Variants in ATG13 observed in about 807,000 individuals in gnomAD.
ATG13 encodes the protein autophagy related 13.
A neutral mutation model predicts 65.5 loss-of-function variants in ATG13; 23 were observed. The observed-to-expected ratio is 0.35, with a 90% confidence interval of 0.25 to 0.50. The LOEUF (loss-of-function observed/expected upper bound fraction) is 0.50, where lower values mean the gene tolerates loss of function less well. Among genes scored for constraint, ATG13 ranks in the 20% least tolerant of loss-of-function variants. ATG13 has a pLI of 0.98. For missense variants in ATG13, 566 were observed against 677.0 expected (o/e 0.84, Z 1.82); for synonymous variants, 252 against 245.2 (o/e 1.03, Z -0.26).
chr11:46,657,254 A>G, intron 9 of ATG13, 63 bp downstream of exon 9: 1 of 1,428,992 alleles, frequency 7.0e-7, no homozygotes, highest in Admixed American at 1.7e-5. Context: ...TTTTTCTCCT[A>G]AACTTTAAGA....
chr11:46,663,265 CAAAAA>C (rs11422914), intron 11 of ATG13, among the ~76,000 whole-genome samples: 1 of 78,390 alleles, frequency 1.3e-5, no homozygotes, highest in African/African-American at 5.2e-5. Context: ...GACTCCATCT[CAAAAA>C]AAAAAAAAAA....
Position 46,672,668 on chromosome 11 carries a change from C to T in ATG13, c.*336C>T. 7.3e-7 allele frequency: 1 copy of T among 1,372,870 alleles called. No individual in the cohort carries two copies. Among genetic ancestry groups the T allele is most frequent in the Non-Finnish European group, 9.6e-7 (1 of 1,036,822 alleles). The allele number at this position is 1,372,870 out of a possible 1,614,324, so 85.0% of individuals were successfully genotyped here. ...ATCCTGTTCCTCCTGCTGCCGGCCT[C>T]CTGCCTGGGCCTGCCTTGCAGCTGG... On this transcript the variant is annotated 3_prime_UTR_variant, in exon 19 of 19. Coordinates refer to ENST00000683050, the MANE Select transcript of ATG13 (RefSeq NM_001346311.2).
intron 8 of ATG13, 90 bp from the exon 9 acceptor site, chr11:46,657,005 A>T: frequency 9.1e-6 from 10 of 1,097,050 alleles, no homozygotes; most frequent in Non-Finnish European, 1.4e-5. Flanking sequence ...CAGAGATTAC[A>T]CAATAGGCCA....
At chr11:46,617,922 C>T in intron 1 of ATG13, 32 bp downstream of exon 1, 1 of 399,176 alleles carries the variant, frequency 2.5e-6, no homozygotes, top group East Asian at 3.6e-5. Flanking sequence ...ACCCCAAGAT[C>T]TCTCAGCGCC....
intron 8 of ATG13, 193 bp downstream of exon 8, chr11:46,656,466 AAAGTTCCAGG>A: frequency 2.1e-6 from 1 of 467,582 alleles, no homozygotes; most frequent in Non-Finnish European, 3.7e-6. Context: ...AATTTTTCCC[AAAGTTCCAGG>A]AACTCAGTCT....
At chr11:46,654,286 T>TAC (rs984500940) in intron 7 of ATG13, among the ~76,000 whole-genome samples, 4 of 136,294 alleles carry the variant, frequency 2.9e-5, no homozygotes, top group Non-Finnish European at 4.7e-5. Flanking sequence ...TAAAATTTTA[T>TAC]ATATATATAT....
At chr11:46,668,317 G>A (rs1330340683) in intron 15 of ATG13, among the ~76,000 whole-genome samples, 182 bp from the exon 16 acceptor site, 1 of 152,220 alleles carries the variant, frequency 6.6e-6, no homozygotes. Flanking sequence ...GTGGGTGTAT[G>A]TGATGGGGGA....
intron 18 of ATG13, among the ~76,000 whole-genome samples, chr11:46,670,951 T>G (rs1021607958): frequency 2.0e-5 from 3 of 152,190 alleles, no homozygotes; most frequent in Admixed American, 6.5e-5. Flanking sequence ...CAACAATGAT[T>G]AGCTTGCTCA....
chr11:46,667,671 T>C, intron 14 of ATG13, 102 bp from the exon 15 acceptor site: 7 of 831,728 alleles, frequency 8.4e-6, no homozygotes, highest in Non-Finnish European at 9.4e-6. Context: ...GGGGACCAAC[T>C]CCTGCCCTAG....
At chr11:46,644,246 A>C in intron 2 of ATG13, 33 bp from the exon 3 acceptor site, 1 of 1,460,996 alleles carries the variant, frequency 6.8e-7, no homozygotes, top group African/African-American at 1.4e-5. Flanking sequence ...TTTTAAAGAT[A>C]TTAGTCATAT....
chr11:46,665,590 A>G (rs1260043223), intron 14 of ATG13, 71 bp downstream of exon 14: 2 of 1,553,970 alleles, frequency 1.3e-6, no homozygotes, highest in East Asian at 2.3e-5. Flanking sequence ...ACACGTGCTT[A>G]TTTAGAATTA....
rs1159523560 is a variant in ATG13, at chr11:46,665,797, C to CTTTTTTTT, written c.1136+295_1136+302dup. On this transcript the variant is annotated intron_variant, in intron 14 of 18. Coordinates refer to ENST00000683050, the MANE Select transcript of ATG13 (RefSeq NM_001346311.2). ...TGTCTCTCAAAAAAATTTATTTTTC[C>CTTTTTTTT]TTTTTTTTTTTTTTTTTTTTTTTTG... Among the ~76,000 whole-genome samples the CTTTTTTTT allele has an allele frequency of 8.7e-4, 76 of 87,756 alleles. 4 individuals carry two copies. Among genetic ancestry groups the CTTTTTTTT allele is most frequent in the South Asian group, 1.7e-3 (4 of 2,408 alleles). 57.6% of individuals were successfully genotyped at this position (87,756 alleles called of 152,430 possible). A position where few individuals can be genotyped will look rare whatever the true frequency, so the allele number is the denominator to read the frequency against.
intron 1 of ATG13, among the ~76,000 whole-genome samples, chr11:46,628,556 A>G (rs1211028760): frequency 6.6e-6 from 1 of 152,152 alleles, no homozygotes; most frequent in Non-Finnish European, 1.5e-5. Flanking sequence ...AGAAGTAGGC[A>G]TTATACAAAT....
chr11:46,663,975 CTCTGTGTGTG>C lies in ATG13; in HGVS notation c.790-15_790-6del, dbSNP rs745458601. 16 of 705,090 alleles carry C rather than the reference CTCTGTGTGTG, an allele frequency of 2.3e-5. No homozygotes were observed. Among genetic ancestry groups the C allele is most frequent in the African/African-American group, 6.5e-5 (3 of 45,828 alleles). 43.7% of individuals were successfully genotyped at this position (705,090 alleles called of 1,614,324 possible). On this transcript the variant is annotated splice_polypyrimidine_tract_variant and intron_variant, in intron 11 of 18. Transcript: ENST00000683050. ...TTTTTTTTTTTTTTGTTTCTCCTGTCTCTGTGTGTGTCTGTGCACAGTGTGTGTTTACTGT... is the reference window on the plus strand; with the variant it reads ...TTTTTTTTTTTTTTGTTTCTCCTGTCTCTGTGCACAGTGTGTGTTTACTGT...
intron 18 of ATG13, among the ~76,000 whole-genome samples, chr11:46,669,937 T>TC (rs2063313989): frequency 1.3e-5 from 2 of 152,162 alleles, no homozygotes; most frequent in Non-Finnish European, 2.9e-5. Context: ...GAGAGCTCAC[T>TC]CCGTCATCTA....
Position 46,657,112 on chromosome 11 carries a change from G to T in ATG13, c.517G>T (p.Val173Phe). 1.9e-6 allele frequency: 3 copies of T among 1,614,052 alleles called. No homozygotes were observed. The highest frequency in any genetic ancestry group is 2.5e-6 in the Non-Finnish European group (3 of 1,179,922). Residue 173 changes from valine to phenylalanine, a missense_variant, in exon 9 of 19, where the codon GTT (valine) becomes TTT (phenylalanine). By Grantham distance (50) the Val-to-Phe change is conservative. Transcript: ENST00000683050. ...GLGEGFQTVR[V>F]GTVGTPVGTI... ...TCTCCTAGGCTTCCAGACAGTTCGT[G>T]TTGGGACAGTGGGCACCCCTGTGGG... is the stretch of plus-strand genomic sequence containing the variant.
chr11:46,646,002 C>T lies in ATG13; in HGVS notation c.270+13C>T. 1 of 1,613,950 alleles carries T rather than the reference C, an allele frequency of 6.2e-7. No individual in the cohort carries two copies. The highest frequency in any genetic ancestry group is 2.2e-5 in the East Asian group (1 of 44,884). On this transcript the variant is annotated intron_variant, in intron 5 of 18. Coordinates refer to ENST00000683050, the MANE Select transcript of ATG13 (RefSeq NM_001346311.2). ...TAAGACTTCTGAGGTAAGGCTATGG[C>T]CAGGTTGGTGTCTTCATTTAGCACT...
intron 13 of ATG13, among the ~76,000 whole-genome samples, 195 bp downstream of exon 13, chr11:46,665,154 T>C (rs1290939988): frequency 6.6e-6 from 1 of 152,232 alleles, no homozygotes; most frequent in African/African-American, 2.4e-5. Flanking sequence ...AAGAAGACTT[T>C]TCCAGGATTT....
At chr11:46,645,506 C>A in intron 4 of ATG13, 87 bp downstream of exon 4, 1 of 1,088,724 alleles carries the variant, frequency 9.2e-7, no homozygotes, top group Non-Finnish European at 1.3e-6. Context: ...ATAAGTAATA[C>A]CATTTATAGT....
Sources: allele counts gnomAD v4.1 joint callset (sites outside exome capture counted in the v4.1 genomes callset), GRCh38; gene constraint gnomAD v4.1.1; transcripts MANE v1.5; gene names NCBI Gene and HGNC (gene_info 2026-07-23, HGNC 2026-07-21).